PITPNB: variants seen among roughly 807,000 people sequenced by gnomAD.
PITPNB encodes the protein phosphatidylinositol transfer protein beta.
A neutral mutation model predicts 45.9 loss-of-function variants in PITPNB; 16 were observed. That is an observed-to-expected ratio of 0.35 (90% CI 0.24 to 0.53). The LOEUF (loss-of-function observed/expected upper bound fraction) is 0.53. Among genes scored for constraint, PITPNB ranks in the 20% least tolerant of loss-of-function variants. PITPNB has a pLI of 0.93. For missense variants in PITPNB, 188 were observed against 330.5 expected (o/e 0.57, Z 3.34); for synonymous variants, 112 against 108.9 (o/e 1.03, Z -0.18).
chr22:27,913,103 CAAAAGA>C (rs1192679671), intron 2 of PITPNB, among the ~76,000 whole-genome samples: 3 of 150,920 alleles, frequency 2.0e-5, no homozygotes, highest in Admixed American at 1.3e-4. Flanking sequence ...CAGCTGAAAT[CAAAAGA>C]AAAAGTCTAA....
intron 8 of PITPNB, among the ~76,000 whole-genome samples, chr22:27,864,648 A>AT (rs1601381578): frequency 6.6e-6 from 1 of 152,212 alleles, no homozygotes; most frequent in South Asian, 2.1e-4. Flanking sequence ...ATTAAAAAAC[A>AT]TTTTTTTCCA....
At chr22:27,887,776 T>C (rs1229262198) in intron 7 of PITPNB, among the ~76,000 whole-genome samples, 10 of 152,156 alleles carry the variant, frequency 6.6e-5, no homozygotes, top group African/African-American at 2.4e-4. Flanking sequence ...GTCACCCTCA[T>C]GTAATTCCCT....
intron 3 of PITPNB, among the ~76,000 whole-genome samples, chr22:27,899,145 T>C (rs1935521139): frequency 1.3e-5 from 2 of 150,690 alleles, no homozygotes. Context: ...GAGAATTAAA[T>C]CAAATACTGG....
At chr22:27,907,769 AG>A (rs1935806639) in intron 3 of PITPNB, among the ~76,000 whole-genome samples, 1 of 152,116 alleles carries the variant, frequency 6.6e-6, no homozygotes, top group Non-Finnish European at 1.5e-5. Flanking sequence ...TTGAAATCAG[AG>A]CACCTAGGTC....
chr22:27,895,269 T>C (rs1424866525), intron 6 of PITPNB, among the ~76,000 whole-genome samples: 2 of 152,178 alleles, frequency 1.3e-5, no homozygotes, highest in Non-Finnish European at 2.9e-5. Flanking sequence ...CTTATCTAGA[T>C]TATAAATTAT....
intron 7 of PITPNB, among the ~76,000 whole-genome samples, chr22:27,874,713 G>A (rs964252193): frequency 1.3e-5 from 2 of 152,178 alleles, no homozygotes; most frequent in African/African-American, 4.8e-5. Context: ...AACAATAAGA[G>A]AGACTTGCAA....
intron 3 of PITPNB, among the ~76,000 whole-genome samples, chr22:27,899,567 C>T (rs1237093095): frequency 1.3e-5 from 2 of 152,168 alleles, no homozygotes; most frequent in Non-Finnish European, 1.5e-5. Context: ...TCGTGATCCG[C>T]CCGCCTTGGC....
chr22:27,918,983 C>G, intron 1 of PITPNB, 189 bp downstream of exon 1: 2 of 810,890 alleles, frequency 2.5e-6, no homozygotes, highest in Non-Finnish European at 4.2e-6. Flanking sequence ...GTTACCACGG[C>G]AATGCCTGGA....
At position 27,859,055 on chromosome 22, in the gene PITPNB, C is replaced by T. The variant is rs796632221; in HGVS notation, c.646-546G>A. On this transcript the variant is annotated intron_variant, in intron 9 of 11. Transcript: ENST00000335272. ...ATTTAAAAACCATGTATATAATTAG[C>T]GGTTTCAATTGATGGATTATTTAAG... 7.3e-3 allele frequency among the ~76,000 whole-genome samples: 1,106 copies of T among 152,208 alleles called. 10 individuals carry two copies. Among genetic ancestry groups the T allele is most frequent in the African/African-American group, 0.024 (1,006 of 41,534 alleles).
intron 9 of PITPNB, 140 bp downstream of exon 9, chr22:27,859,991 G>A (rs1303539347): frequency 7.0e-6 from 4 of 572,976 alleles, no homozygotes; most frequent in Non-Finnish European, 1.3e-5. Flanking sequence ...GTATAAAGAA[G>A]GGCTGAAATG....
chr22:27,917,798 T>A (rs946478038), intron 1 of PITPNB, among the ~76,000 whole-genome samples: 1 of 152,144 alleles, frequency 6.6e-6, no homozygotes, highest in Non-Finnish European at 1.5e-5. Flanking sequence ...ATAATAATAA[T>A]AAATTGTATT....
At chr22:27,910,260 CTGT>C (rs964815855) in intron 3 of PITPNB, among the ~76,000 whole-genome samples, 3 of 151,536 alleles carry the variant, frequency 2.0e-5, no homozygotes, top group Non-Finnish European at 2.9e-5. Context: ...AATTTTTTTG[CTGT>C]TGTTGTTGTT....
At chr22:27,910,910 T>C (rs1935901466) in intron 3 of PITPNB, 54 bp downstream of exon 3, 2 of 1,335,688 alleles carry the variant, frequency 1.5e-6, no homozygotes, top group African/African-American at 1.4e-5. Flanking sequence ...GCTAGTTACA[T>C]GCATCATAAG....
chr22:27,879,143 A>T (rs999348051), intron 7 of PITPNB, among the ~76,000 whole-genome samples: 1 of 152,164 alleles, frequency 6.6e-6, no homozygotes, highest in Non-Finnish European at 1.5e-5. Context: ...GCTAGAGCAC[A>T]ACTAAACTAA....
At chr22:27,891,502 C>T (rs932333638) in intron 7 of PITPNB, among the ~76,000 whole-genome samples, 2 of 152,162 alleles carry the variant, frequency 1.3e-5, no homozygotes, top group East Asian at 1.9e-4. Context: ...TAAGATCTGG[C>T]TCTGTGTTAC....
At chr22:27,879,365 G>A (rs1934906031) in intron 7 of PITPNB, among the ~76,000 whole-genome samples, 1 of 152,122 alleles carries the variant, frequency 6.6e-6, no homozygotes, top group Admixed American at 6.5e-5. Context: ...TGTGCTCCAG[G>A]ATAAGATGAG....
At chr22:27,898,028 A>G in intron 3 of PITPNB, 136 bp from the exon 4 acceptor site, 1 of 640,568 alleles carries the variant, frequency 1.6e-6, no homozygotes, top group Non-Finnish European at 2.8e-6. Context: ...TTTCAATCCT[A>G]AAGTAATCCA....
intron 7 of PITPNB, among the ~76,000 whole-genome samples, chr22:27,877,933 C>G (rs903321661): frequency 1.3e-5 from 2 of 152,132 alleles, no homozygotes; most frequent in Non-Finnish European, 2.9e-5. Flanking sequence ...TTGGCACCTG[C>G]TTATAAAAGA....
chr22:27,860,571 C>T, intron 8 of PITPNB: 1 of 177,846 alleles, frequency 5.6e-6, no homozygotes, highest in Non-Finnish European at 1.2e-5. Context: ...TAAGGGTTCT[C>T]ATAACACCAT....
Sources: gnomAD v4.1 joint callset for allele counts (sites outside exome capture counted in the v4.1 genomes callset) on GRCh38, gnomAD v4.1.1 for gene constraint, MANE v1.5 for transcripts, NCBI Gene and HGNC (gene_info 2026-07-23, HGNC 2026-07-21) for gene names.